Variants in VPS37B observed in about 807,000 individuals in gnomAD.
The protein encoded by VPS37B is VPS37B subunit of ESCRT-I.
A neutral mutation model predicts 21.2 loss-of-function variants in VPS37B; 11 were observed. That is an observed-to-expected ratio of 0.52 (90% CI 0.33 to 0.86). The LOEUF (loss-of-function observed/expected upper bound fraction) is 0.86. Ranked by LOEUF, VPS37B falls within the 40% of genes least tolerant of loss-of-function variation. The probability of loss-of-function intolerance (pLI) is 0.03; values close to 1 mark genes in which losing one functional copy is unlikely to be tolerated. For missense variants in VPS37B, 389 were observed against 374.8 expected (o/e 1.04, Z -0.31); for synonymous variants, 175 against 159.6 (o/e 1.10, Z -0.73).
In VPS37B at chr12:122,867,329, A is replaced by G. The variant is rs756530354; in HGVS notation, c.645T>C (p.Pro215=). Residue 215 remains proline (P), a synonymous_variant, in exon 4 of 4, where the codon CCT becomes CCC. Transcript: ENST00000267202. The surrounding 1 kb of genome is among the most constrained non-coding windows in gnomAD (Gnocchi z 5.5). Reference sequence around the variant, plus strand: ...TAAACGGGGTGGCTAAGCGTCCCGCAGGCACCGGGGGTGGTGGGGGGGGGA... The same window carrying G: ...TAAACGGGGTGGCTAAGCGTCCCGCGGGCACCGGGGGTGGTGGGGGGGGGA... ...RRIPPPPPPV[P]AGRLATPFTA... 3.2e-6 allele frequency: 2 copies of G among 627,958 alleles called. No individual in the cohort carries two copies. The highest frequency in any genetic ancestry group is 1.4e-5 in the South Asian group (1 of 71,614). The allele number at this position is 627,958 out of a possible 1,614,324, so 38.9% of individuals were successfully genotyped here.
At position 122,868,384 on chromosome 12, in the gene VPS37B, G is replaced by A. The variant is rs996466814; in HGVS notation, c.366+96C>T. 1.1e-5 allele frequency: 13 copies of A among 1,149,486 alleles called. No individual in the cohort carries two copies. In the African/African-American group the frequency reaches 1.7e-4, roughly 15 times the overall value. The allele number at this position is 1,149,486 out of a possible 1,614,324, so 71.2% of individuals were successfully genotyped here. On this transcript the variant is annotated intron_variant, in intron 3 of 3. Coordinates refer to ENST00000267202, the MANE Select transcript of VPS37B (RefSeq NM_024667.3). The surrounding 1 kb of genome is among the most constrained non-coding windows in gnomAD (Gnocchi z 5.5). The stretch of plus-strand genomic sequence containing the variant: ...CGTACACCTGGGAGGCACCACTCCT[G>A]GCCGTGGCGGTGTGGCACTCACGGT...
At chr12:122,895,908 G>A (rs771914081) in intron 1 of VPS37B, 44 bp downstream of exon 1, 13 of 1,577,704 alleles carry the variant, frequency 8.2e-6, no homozygotes, top group South Asian at 1.1e-5. Flanking sequence ...AGCGAACCCC[G>A]CTCGAGGCCT....
intron 1 of VPS37B, chr12:122,872,499 C>A: frequency 2.0e-6 from 2 of 985,458 alleles, no homozygotes; most frequent in Non-Finnish European, 2.4e-6. Flanking sequence ...TTCATCTCTT[C>A]TGATGCCTTT....
At chr12:122,871,554 G>A in intron 1 of VPS37B, 1 of 985,754 alleles carries the variant, frequency 1.0e-6, no homozygotes, top group Non-Finnish European at 1.2e-6. Context: ...AGAGACCCTG[G>A]GAAGGAACTG....
intron 1 of VPS37B, chr12:122,888,687 CTAACAGGATG>C (rs2034363776): frequency 4.5e-6 from 2 of 441,568 alleles, no homozygotes; most frequent in Non-Finnish European, 4.6e-6. Context: ...CAGCCAGTCT[CTAACAGGATG>C]TTAGGTCATC....
In VPS37B at chr12:122,896,089, C is replaced by G; in HGVS notation, c.-27G>C. The G allele has an allele frequency of 6.5e-7, 1 of 1,548,812 alleles. No individual in the cohort carries two copies. The highest frequency in any genetic ancestry group is 2.5e-5 in the East Asian group (1 of 39,694). ...CCCACGTCTCGGCCGTCGTCGCCAC[C>G]GCCGCTGCGGCCACCAGGCTCCGCC... On this transcript the variant is annotated 5_prime_UTR_variant, in exon 1 of 4. Transcript: ENST00000267202.
chr12:122,895,314 T>G (rs1461835320), intron 1 of VPS37B, among the ~76,000 whole-genome samples: 2 of 151,866 alleles, frequency 1.3e-5, no homozygotes, highest in African/African-American at 4.8e-5. Context: ...CCTATTTGGA[T>G]AGTCCACTCA....
chr12:122,868,516 A>G lies in VPS37B; in HGVS notation c.330T>C (p.Leu110=). ...SASLETLLAL[L]QAEGAKIEED... ...CCTCAATCTTGGCCCCTTCTGCCTG[A>G]AGAAGTGCTAACAGGGTCTCCAAGG... is the stretch of plus-strand genomic sequence containing the variant. The change falls in exon 3 of 4, where the codon CTT becomes CTC. Residue 110 remains leucine, a synonymous_variant. Coordinates refer to ENST00000267202, the MANE Select transcript of VPS37B (RefSeq NM_024667.3). This position sits in a 1 kb window ranked among gnomAD's most constrained non-coding sequence, Gnocchi z 5.5. The G allele has an allele frequency of 6.2e-7, 1 of 1,613,840 alleles. No homozygotes were observed. The highest frequency in any genetic ancestry group is 8.5e-7 in the Non-Finnish European group (1 of 1,179,932).
intron 2 of VPS37B, 47 bp downstream of exon 2, chr12:122,870,843 C>G: frequency 6.4e-7 from 1 of 1,552,042 alleles, no homozygotes; most frequent in Non-Finnish European, 8.7e-7. Context: ...GAAAATGTGT[C>G]CTTCTCTCAA....
intron 1 of VPS37B, chr12:122,871,523 G>A (rs1448228215): frequency 1.0e-6 from 1 of 986,528 alleles, no homozygotes; most frequent in African/African-American, 1.7e-5. Flanking sequence ...AGCAGGCTAA[G>A]AGGTCCAACC....
intron 1 of VPS37B, chr12:122,873,578 A>G (rs1593910904): frequency 6.6e-6 from 1 of 152,178 alleles, no homozygotes; most frequent in African/African-American, 2.4e-5. Flanking sequence ...TCCCACCCTC[A>G]AATAAACTGA....
chr12:122,882,943 T>C (rs1300645508), intron 1 of VPS37B: 1 of 152,176 alleles, frequency 6.6e-6, no homozygotes, highest in African/African-American at 2.4e-5. Flanking sequence ...GAAACAAACT[T>C]AACAGTTGCG....
At position 122,866,283 on chromosome 12, in the gene VPS37B, A is replaced by AT. The variant is rs1230303185; in HGVS notation, c.*832dup. The AT allele has an allele frequency of 2.0e-5, 3 of 152,636 alleles. No individual in the cohort carries two copies. Among genetic ancestry groups the AT allele is most frequent in the African/African-American group, 4.8e-5 (2 of 41,444 alleles). The allele number at this position is 152,636 out of a possible 1,614,324, so 9.5% of individuals were successfully genotyped here. A position where few individuals can be genotyped will look rare whatever the true frequency, so the allele number is the denominator to read the frequency against. ...TCGATCTGCTCAAGACAGTATCTGC[A>AT]TTTTTTATAAAATTTCCCTGAATGG... On this transcript the variant is annotated 3_prime_UTR_variant, in exon 4 of 4. Transcript: ENST00000267202.
intron 1 of VPS37B, chr12:122,872,551 A>C (rs2034058694): frequency 5.1e-6 from 5 of 985,356 alleles, no homozygotes; most frequent in Non-Finnish European, 6.0e-6. Flanking sequence ...ACGCAGTTTC[A>C]CTCGGGTTTC....
chr12:122,888,916 C>CT (rs1476523775), intron 1 of VPS37B: 2 of 249,344 alleles, frequency 8.0e-6, no homozygotes, highest in East Asian at 2.3e-4. Flanking sequence ...GGACAAAGCC[C>CT]TGCCCATCCC....
In VPS37B at chr12:122,868,385, G is replaced by C. The variant is rs1361621686; in HGVS notation, c.366+95C>G. The C allele has an allele frequency of 8.7e-7, 1 of 1,155,422 alleles. No homozygotes were observed. The highest frequency in any genetic ancestry group is 1.5e-5 in the African/African-American group (1 of 65,826). The allele number at this position is 1,155,422 out of a possible 1,614,324, so 71.6% of individuals were successfully genotyped here. ...GTACACCTGGGAGGCACCACTCCTG[G>C]CCGTGGCGGTGTGGCACTCACGGTC... On this transcript the variant is annotated intron_variant, in intron 3 of 3. Coordinates refer to ENST00000267202, the MANE Select transcript of VPS37B (RefSeq NM_024667.3). The surrounding 1 kb of genome is among the most constrained non-coding windows in gnomAD (Gnocchi z 5.5).
At chr12:122,892,890 G>A (rs926247506) in intron 1 of VPS37B, among the ~76,000 whole-genome samples, 8 of 152,148 alleles carry the variant, frequency 5.3e-5, no homozygotes, top group Non-Finnish European at 8.8e-5. Context: ...CTGAAACTCC[G>A]TCTCTACTAA....
intron 1 of VPS37B, chr12:122,888,872 CCT>C: frequency 3.5e-6 from 1 of 289,710 alleles, no homozygotes; most frequent in Non-Finnish European, 6.9e-6. Flanking sequence ...GAGCATTCAC[CCT>C]GAGCTCCAGA....
At position 122,871,326 on chromosome 12, in the gene VPS37B, G is replaced by A. The variant is rs527311271; in HGVS notation, c.112-265C>T. On this transcript the variant is annotated intron_variant, in intron 1 of 3. Transcript: ENST00000267202. Reference sequence around the variant, plus strand: ...GCTTTGTCCTGTGACTCCATGCAGAGCCTTCCCTGCCACGGCTGCGCTGTG... The same window carrying A: ...GCTTTGTCCTGTGACTCCATGCAGAACCTTCCCTGCCACGGCTGCGCTGTG... The A allele has an allele frequency of 1.3e-5, 15 of 1,184,230 alleles. 2 individuals are homozygous for A. The East Asian group carries it at 5.2e-4, about 41-fold the overall frequency. 73.4% of individuals were successfully genotyped at this position (1,184,230 alleles called of 1,614,324 possible).
Sources: gnomAD v4.1 joint callset for allele counts (sites outside exome capture counted in the v4.1 genomes callset) on GRCh38, gnomAD v4.1.1 for gene constraint, Gnocchi (gnomAD v3.1) non-coding constraint, MANE v1.5 for transcripts, NCBI Gene and HGNC (gene_info 2026-07-23, HGNC 2026-07-21) for gene names.